Variants in RELN observed in about 807,000 individuals in gnomAD.
The protein encoded by RELN is reelin.
In RELN, 108 loss-of-function variants were observed where a neutral mutation model predicts 427.6. The ratio of observed to expected loss-of-function variants is 0.25; its 90% CI spans 0.22 to 0.30. The LOEUF is 0.30. RELN is among the 10% of genes least tolerant of loss of function. The pLI is 1.00. For missense variants in RELN, 3,715 were observed against 4,302.8 expected (o/e 0.86, Z 3.82); for synonymous variants, 1,524 against 1,513.4 (o/e 1.01, Z -0.16).
intron 7 of RELN, among the ~76,000 whole-genome samples, chr7:103,724,330 T>G (rs1790150790): frequency 6.6e-6 from 1 of 152,178 alleles, no homozygotes; most frequent in African/African-American, 2.4e-5. Flanking sequence ...TGCTATACAA[T>G]TCATGAAGAG....
At chr7:103,779,812 C>T (rs1791840586) in intron 3 of RELN, among the ~76,000 whole-genome samples, 1 of 152,140 alleles carries the variant, frequency 6.6e-6, no homozygotes, top group South Asian at 2.1e-4. Context: ...GCTGCAACCA[C>T]CACCTCCCAG....
At chr7:103,578,206 G>A (rs1367656542) in intron 28 of RELN, among the ~76,000 whole-genome samples, 2 of 152,124 alleles carry the variant, frequency 1.3e-5, no homozygotes, top group Admixed American at 6.5e-5. Flanking sequence ...AGAGTGAGGA[G>A]GTATCCTTGT....
chr7:103,934,575 T>C (rs779568937), intron 1 of RELN, among the ~76,000 whole-genome samples: 7 of 152,314 alleles, frequency 4.6e-5, no homozygotes, highest in Admixed American at 3.3e-4. Flanking sequence ...CATGTAATCA[T>C]TGTGTTCATC....
Position 103,566,325 on chromosome 7 carries a change from C to G in RELN, c.4835G>C (p.Gly1612Ala). 6.2e-7 allele frequency: 1 copy of G among 1,614,018 alleles called. No individual in the cohort carries two copies. The highest frequency in any genetic ancestry group is 8.5e-7 in the Non-Finnish European group (1 of 1,179,972). ...SQTGFQDKFD[G>A]SIDLQANWYR... ...CCAGTTGGCTTGCAAATCTATAGAGCCATCAAATTTGTCTTGAAATCCAGT... is the reference window on the plus strand; with the variant it reads ...CCAGTTGGCTTGCAAATCTATAGAGGCATCAAATTTGTCTTGAAATCCAGT... Residue 1612 changes from glycine (G) to alanine (A), a missense_variant, in exon 33 of 65, where the codon GGC (glycine) becomes GCC (alanine). Gly to Ala is a moderately conservative substitution (Grantham distance 60). Transcript: ENST00000428762.
At chr7:103,643,401 T>C (rs958813996) in intron 16 of RELN, among the ~76,000 whole-genome samples, 2 of 151,988 alleles carry the variant, frequency 1.3e-5, no homozygotes, top group Non-Finnish European at 2.9e-5. Flanking sequence ...GGATTCACCA[T>C]CTTGTATCAT....
At chr7:103,566,476 T>A (rs575371109) in intron 32 of RELN, 64 bp from the exon 33 acceptor site, 1 of 1,588,328 alleles carries the variant, frequency 6.3e-7, no homozygotes, top group Non-Finnish European at 8.6e-7. Context: ...AATATCTTCA[T>A]GACTGTGATT....
rs1335867085 is a variant in RELN, at chr7:103,540,224, G to A, written c.6903C>T (p.His2301=). 1 of 1,614,188 alleles carries A rather than the reference G, an allele frequency of 6.2e-7. No homozygotes were observed. Among genetic ancestry groups the A allele is most frequent in the Non-Finnish European group, 8.5e-7 (1 of 1,180,010 alleles). ...LRWWQPSENG[H]FYSPWVIDQI... Reference sequence around the variant, plus strand: ...GATCGATAACCCAGGGGCTGTAGAAGTGCCCATTCTCAGACGGTTGCCACC... The same window carrying A: ...GATCGATAACCCAGGGGCTGTAGAAATGCCCATTCTCAGACGGTTGCCACC... Residue 2301 remains histidine, a synonymous_variant, in exon 44 of 65, where the codon CAC becomes CAT. Transcript: ENST00000428762.
rs1271757859 is a variant in RELN at position 103,589,765 on chromosome 7, C to T, written c.3976G>A (p.Asp1326Asn). The T allele has an allele frequency of 5.0e-6, 8 of 1,613,740 alleles. No homozygotes were observed. The highest frequency in any genetic ancestry group is 5.9e-6 in the Non-Finnish European group (7 of 1,179,764). The change falls in exon 28 of 65, where the codon GAT (aspartate) becomes AAT (asparagine). Residue 1326 changes from aspartate to asparagine, a missense_variant. Transcript: ENST00000428762. ...ACCAGAAACCAGGACATACCAGCAT[C>T]ATGAGAGTACTGAAGAAGAACTGGA... is the stretch of plus-strand genomic sequence containing the variant. ...TAPVLLQYSHDAGMSWFLVKE... is the reference protein window; with the variant it reads ...TAPVLLQYSHNAGMSWFLVKE...
intron 16 of RELN, among the ~76,000 whole-genome samples, chr7:103,648,700 G>T (rs148544697): frequency 6.6e-4 from 101 of 152,180 alleles, no homozygotes; most frequent in African/African-American, 2.0e-3. Context: ...TCTGAGAAGG[G>T]ACTAATATCC....
At chr7:103,529,803 T>C (rs1829900052) in intron 46 of RELN, among the ~76,000 whole-genome samples, 1 of 152,144 alleles carries the variant, frequency 6.6e-6, no homozygotes, top group Non-Finnish European at 1.5e-5. Context: ...CGTTCGAAGG[T>C]CACTCATTCT....
chr7:103,684,582 C>T (rs552144064), intron 10 of RELN, among the ~76,000 whole-genome samples: 37 of 152,216 alleles, frequency 2.4e-4, no homozygotes, highest in African/African-American at 8.9e-4. Context: ...ACTGAAATCC[C>T]TCAAGGAGTT....
chr7:103,535,948 G>A (rs377552302), intron 45 of RELN, among the ~76,000 whole-genome samples: 2 of 17,472 alleles, frequency 1.1e-4, no homozygotes, highest in African/African-American at 3.5e-4. Flanking sequence ...AATATAGTTT[G>A]TTTATTTAAT....
chr7:103,764,068 C>T (rs1037766030), intron 4 of RELN, among the ~76,000 whole-genome samples: 2 of 152,132 alleles, frequency 1.3e-5, no homozygotes, highest in African/African-American at 4.8e-5. Flanking sequence ...CTAACCAGAA[C>T]TGCAATAGAG....
intron 2 of RELN, among the ~76,000 whole-genome samples, chr7:103,852,484 C>A (rs913058305): frequency 6.6e-6 from 1 of 152,116 alleles, no homozygotes; most frequent in African/African-American, 2.4e-5. Context: ...GACAACACTT[C>A]ACTGGGTTAC....
intron 2 of RELN, among the ~76,000 whole-genome samples, chr7:103,898,617 A>G (rs1215830447): frequency 1.3e-5 from 2 of 152,076 alleles, no homozygotes; most frequent in Non-Finnish European, 2.9e-5. Context: ...AATTTTAAAC[A>G]TCTTTGCCAA....
chr7:103,912,766 A>T (rs2116658625), intron 2 of RELN, among the ~76,000 whole-genome samples: 1 of 152,254 alleles, frequency 6.6e-6, no homozygotes, highest in South Asian at 2.1e-4. Flanking sequence ...TATAACCAGA[A>T]TTCTAAATCT....
In RELN at chr7:103,604,407, T is replaced by G. The variant is rs1304277539; in HGVS notation, c.3085A>C (p.Ile1029Leu). The part of the protein sequence containing the change: ...QDEWALDSIY[I>L]GQQCPNMCSG... ...CACATGTTGGGGCACTGCTGCCCAA[T>G]GTAAATGCTGTCCAAAGCCCACTCG... is the stretch of plus-strand genomic sequence containing the variant. The change falls in exon 23 of 65, where the codon ATT (isoleucine) becomes CTT (leucine). Residue 1029 changes from isoleucine (I) to leucine (L), a missense_variant. Transcript: ENST00000428762. 1 of 1,613,836 alleles carries G rather than the reference T, an allele frequency of 6.2e-7. No homozygotes were observed. Among genetic ancestry groups the G allele is most frequent in the Non-Finnish European group, 8.5e-7 (1 of 1,179,890 alleles).
intron 22 of RELN, among the ~76,000 whole-genome samples, chr7:103,604,987 G>T (rs1446117044): frequency 2.0e-5 from 3 of 152,000 alleles, no homozygotes; most frequent in Admixed American, 6.6e-5. Flanking sequence ...ACACCAACAT[G>T]CCTGGCTAAT....
Position 103,545,279 on chromosome 7 carries a change from A to G in RELN, c.6368T>C (p.Ile2123Thr), listed in dbSNP as rs2117139982. The stretch of plus-strand genomic sequence containing the variant: ...CTGGGGACCGATGTAGACATTATCA[A>G]TGGCCCATGTCACTGGCTGAGAGCC... ...PAGSQPVTWA[I>T]DNVYIGPQCE... is the part of the protein sequence containing the mutation. Residue 2123 changes from isoleucine to threonine, a missense_variant, in exon 42 of 65, where the codon ATT becomes ACT. By Grantham distance (89) the Ile-to-Thr change is moderately conservative. This residue lies in a region of RELN where 1,310 missense variants were observed against 1,643.0 expected (regional missense o/e 0.80). Transcript: ENST00000428762. 2 of 1,614,150 alleles carry G rather than the reference A, an allele frequency of 1.2e-6. No individual in the cohort carries two copies. Among genetic ancestry groups the G allele is most frequent in the South Asian group, 1.1e-5 (1 of 91,090 alleles).
Sources: gnomAD v4.1 joint callset for allele counts (sites outside exome capture counted in the v4.1 genomes callset) on GRCh38, gnomAD v4.1.1 for gene constraint, gnomAD v4.1.1 regional missense constraint, MANE v1.5 for transcripts, NCBI Gene and HGNC (gene_info 2026-07-23, HGNC 2026-07-21) for gene names.